The following UGT1A5 variants were observed in gnomAD, a reference collection of about 807,000 sequenced individuals.
UGT1A5 encodes UDP glucuronosyltransferase family 1 member A5.
In UGT1A5, 29 loss-of-function variants were observed where a neutral mutation model predicts 40.3. The observed-to-expected ratio is 0.72, with a 90% CI of 0.54 to 0.98. UGT1A5 has a LOEUF of 0.98. Among genes scored for constraint, UGT1A5 ranks in the 50% least tolerant of loss-of-function variants. UGT1A5 has a pLI of 0.00. For missense variants in UGT1A5, 678 were observed against 677.9 expected, an observed-to-expected ratio of 1.00 and a Z score of 0.00; for synonymous variants, 257 against 262.5, an observed-to-expected ratio of 0.98 and a Z score of 0.20.
At chr2:233,747,937 A>C in intron 1 of UGT1A5, 1 of 1,613,182 alleles carries the variant, frequency 6.2e-7, no homozygotes, top group Non-Finnish European at 8.5e-7. Flanking sequence ...TTTCAGAGGG[A>C]GGTGTCAGTG....
intron 1 of UGT1A5, chr2:233,760,371 G>C (rs995864584): frequency 6.2e-7 from 1 of 1,614,040 alleles, no homozygotes. Flanking sequence ...CCCATGCTGG[G>C]AAGATACTGT....
chr2:233,760,970 C>T (rs767709240), intron 1 of UGT1A5: 2 of 1,614,170 alleles, frequency 1.2e-6, no homozygotes, highest in South Asian at 1.1e-5. Flanking sequence ...GTGGTTTATT[C>T]CCCGTATGCA....
intron 1 of UGT1A5, among the ~76,000 whole-genome samples, chr2:233,733,221 G>T (rs531413389): frequency 2.6e-5 from 4 of 152,188 alleles, no homozygotes; most frequent in African/African-American, 2.4e-5. Flanking sequence ...GAGACAATGG[G>T]GTTTTCTAAA....
intron 1 of UGT1A5, chr2:233,719,222 T>G: frequency 6.2e-7 from 1 of 1,614,238 alleles, no homozygotes; most frequent in Non-Finnish European, 8.5e-7. Context: ...TACTGCATAA[T>G]GAGGCCCTGA....
chr2:233,763,240 C>T (rs1698267751), intron 1 of UGT1A5, among the ~76,000 whole-genome samples: 1 of 152,140 alleles, frequency 6.6e-6, no homozygotes, highest in African/African-American at 2.4e-5. Flanking sequence ...TAAATTGTAC[C>T]TTTTAGTAAC....
chr2:233,734,619 T>A (rs1463316378), intron 1 of UGT1A5, among the ~76,000 whole-genome samples: 1 of 152,238 alleles, frequency 6.6e-6, no homozygotes, highest in African/African-American at 2.4e-5. Flanking sequence ...GTGTTGATTT[T>A]AGATCTTTCC....
intron 1 of UGT1A5, among the ~76,000 whole-genome samples, chr2:233,751,872 G>A (rs151015857): frequency 1.6e-4 from 24 of 152,228 alleles, no homozygotes; most frequent in African/African-American, 2.2e-4. Context: ...AAATTACCCC[G>A]TCTTGGGTAT....
chr2:233,736,555 T>G (rs905446962), intron 1 of UGT1A5, among the ~76,000 whole-genome samples: 2 of 152,246 alleles, frequency 1.3e-5, no homozygotes, highest in African/African-American at 4.8e-5. Flanking sequence ...GCTCCATTGC[T>G]AGCAAGGAGC....
At chr2:233,732,288 A>G (rs568891817) in intron 1 of UGT1A5, among the ~76,000 whole-genome samples, 10 of 152,250 alleles carry the variant, frequency 6.6e-5, no homozygotes, top group Non-Finnish European at 1.0e-4. Context: ...GAAGCTCTTT[A>G]GTTTAATTAG....
At chr2:233,762,713 C>T (rs1377918494) in intron 1 of UGT1A5, among the ~76,000 whole-genome samples, 1 of 150,748 alleles carries the variant, frequency 6.6e-6, no homozygotes, top group South Asian at 2.1e-4. Context: ...AAGTATTTTA[C>T]ACGGTTTTTT....
chr2:233,735,829 A>G (rs1353832025), intron 1 of UGT1A5, among the ~76,000 whole-genome samples: 8 of 152,278 alleles, frequency 5.3e-5, no homozygotes, highest in African/African-American at 1.9e-4. Context: ...AGAATGTTGA[A>G]TATTGGCCCC....
rs778641747 is a variant in UGT1A5 at position 233,768,443 on chromosome 2, A to G, written c.1307+4A>G. 8.1e-6 allele frequency: 13 copies of G among 1,613,284 alleles called. No homozygotes were observed. In the South Asian group the frequency reaches 1.4e-4, roughly 18 times the overall value. On this transcript the variant is annotated splice_donor_region_variant and intron_variant, in intron 4 of 4. Transcript: ENST00000373414. Reference sequence around the variant, plus strand: ...AAGCAGTCATCAATGACAAAAGGTAAGAAAGAAGATACAGAAGAATACTTT... The same window carrying G: ...AAGCAGTCATCAATGACAAAAGGTAGGAAAGAAGATACAGAAGAATACTTT...
intron 1 of UGT1A5, chr2:233,747,484 GC>G: frequency 1.2e-6 from 2 of 1,608,658 alleles, no homozygotes; most frequent in Admixed American, 3.3e-5. Context: ...GAATTTGATC[GC>G]CTTGTGCTGG....
chr2:233,764,538 TG>T (rs1304174428), intron 1 of UGT1A5, among the ~76,000 whole-genome samples: 1 of 152,146 alleles, frequency 6.6e-6, no homozygotes, highest in Non-Finnish European at 1.5e-5. Flanking sequence ...GATTGCTGAG[TG>T]GGCGTGTGGG....
At chr2:233,746,859 G>T (rs1300459019) in intron 1 of UGT1A5, among the ~76,000 whole-genome samples, 1 of 151,794 alleles carries the variant, frequency 6.6e-6, no homozygotes, top group South Asian at 2.1e-4. Context: ...CTCAGCTGCA[G>T]CCTGATAAAC....
chr2:233,753,031 A>G (rs1329655669), intron 1 of UGT1A5, among the ~76,000 whole-genome samples: 1 of 152,134 alleles, frequency 6.6e-6, no homozygotes, highest in African/African-American at 2.4e-5. Context: ...AACACAAAAA[A>G]CTACCATGAA....
intron 1 of UGT1A5, chr2:233,747,317 C>G (rs1693621647): frequency 6.2e-7 from 1 of 1,603,094 alleles, no homozygotes; most frequent in African/African-American, 1.3e-5. Context: ...CTGGTGGTAC[C>G]CATTGATGGC....
chr2:233,729,686 G>A (rs1336517970), intron 1 of UGT1A5: 2 of 1,613,912 alleles, frequency 1.2e-6, no homozygotes, highest in Admixed American at 1.7e-5. Context: ...GGCACACAGT[G>A]TCCAAACCCT....
chr2:233,744,098 G>A, intron 1 of UGT1A5: 1 of 409,610 alleles, frequency 2.4e-6, no homozygotes, highest in South Asian at 2.0e-5. Flanking sequence ...AGTGCTTCTG[G>A]GACTGGCCCT....
Sources: allele counts gnomAD v4.1 joint callset (sites outside exome capture counted in the v4.1 genomes callset), GRCh38; gene constraint gnomAD v4.1.1; transcripts MANE v1.5; gene names NCBI Gene and HGNC (gene_info 2026-07-23, HGNC 2026-07-21).